APBB1: variants seen among roughly 807,000 people sequenced by gnomAD.
APBB1 encodes adaptor protein FE65a2.
APBB1 carries 22 observed loss-of-function variants against 78.4 expected under a neutral mutation model. The ratio of observed to expected loss-of-function variants is 0.28; its 90% CI spans 0.20 to 0.40. The LOEUF (loss-of-function observed/expected upper bound fraction) is 0.40, where lower values mean the gene tolerates loss of function less well. Among genes scored for constraint, APBB1 ranks in the 10% least tolerant of loss-of-function variants. APBB1 has a pLI of 1.00. For synonymous variants in APBB1, 369 were observed against 372.7 expected (o/e 0.99, Z 0.12); for missense variants, 749 against 932.4 (o/e 0.80, Z 2.56).
intron 7 of APBB1, 47 bp from the exon 8 acceptor site, chr11:6,402,256 T>C (rs1848563274): frequency 6.2e-7 from 1 of 1,605,540 alleles, no homozygotes; most frequent in African/African-American, 1.3e-5. Flanking sequence ...GCCAGGATGG[T>C]GGCTGATCTC....
intron 12 of APBB1, among the ~76,000 whole-genome samples, chr11:6,399,386 C>T (rs773505767): frequency 6.6e-6 from 1 of 152,180 alleles, no homozygotes; most frequent in Non-Finnish European, 1.5e-5. Context: ...AAATTGGCCT[C>T]TTCAAGCATC....
chr11:6,402,877 A>G, intron 6 of APBB1, 152 bp from the exon 7 acceptor site: 2 of 991,210 alleles, frequency 2.0e-6, no homozygotes, highest in Admixed American at 2.7e-5. Flanking sequence ...GGATGTGGTT[A>G]GGGTGAGGGA....
At chr11:6,416,420 A>C (rs1370550431) in intron 1 of APBB1, among the ~76,000 whole-genome samples, 2 of 152,012 alleles carry the variant, frequency 1.3e-5, no homozygotes, top group Non-Finnish European at 1.5e-5. Context: ...TCCATTTCAG[A>C]CCCCTCACCT....
At chr11:6,398,615 G>A (rs954918170) in intron 12 of APBB1, among the ~76,000 whole-genome samples, 4 of 152,180 alleles carry the variant, frequency 2.6e-5, no homozygotes, top group Non-Finnish European at 2.9e-5. Flanking sequence ...GTAACAAATG[G>A]AAGAGCCAAC....
intron 8 of APBB1, 31 bp from the exon 9 acceptor site, chr11:6,402,013 A>G: frequency 2.5e-6 from 4 of 1,593,370 alleles, no homozygotes; most frequent in Non-Finnish European, 3.4e-6. Context: ...GAGGCAAATA[A>G]CAGAGTTAGA....
intron 1 of APBB1, among the ~76,000 whole-genome samples, chr11:6,413,438 C>G (rs542939618): frequency 1.6e-3 from 239 of 152,236 alleles, no homozygotes; most frequent in South Asian, 4.6e-3. Flanking sequence ...ACCACTACCC[C>G]CCTTCCCTCT....
intron 12 of APBB1, among the ~76,000 whole-genome samples, chr11:6,400,512 A>G (rs1848446959): frequency 6.6e-6 from 1 of 151,066 alleles, no homozygotes; most frequent in Non-Finnish European, 1.5e-5. Context: ...ACCGCACTCC[A>G]GCCTGGCGGA....
rs2682094 is a variant in APBB1, at chr11:6,410,970, G to C, written c.378C>G (p.Asn126Lys). 1 of 1,614,084 alleles carries C rather than the reference G, an allele frequency of 6.2e-7. No individual in the cohort carries two copies. The highest frequency in any genetic ancestry group is 8.5e-7 in the Non-Finnish European group (1 of 1,180,048). Reference protein sequence around the residue: ...LYSELELSAHNAANRGLRGPG... With the variant: ...LYSELELSAHKAANRGLRGPG... ...GTCCTCGTAGGCCTCGGTTGGCTGC[G>C]TTGTGAGCTGAGAGCTCCAGCTCAG... The change falls in exon 2 of 15, where the codon AAC becomes AAG. Residue 126 changes from asparagine to lysine, a missense_variant. Transcript: ENST00000609360.
Position 6,401,791 on chromosome 11 carries a change from C to A in APBB1, c.1389-103G>T. 4.7e-6 allele frequency: 7 copies of A among 1,473,768 alleles called. No homozygotes were observed. Among genetic ancestry groups the A allele is most frequent in the Non-Finnish European group, 5.7e-6 (6 of 1,061,236 alleles). 91.3% of individuals were successfully genotyped at this position (1,473,768 alleles called of 1,614,324 possible). ...CCTGCCCATCACAGCTCCTCCAGGG[C>A]TTCTGCCCACAGCTGGTCCCCCATA... is the stretch of plus-strand genomic sequence containing the variant. On this transcript the variant is annotated intron_variant, in intron 9 of 14. Transcript: ENST00000609360. The surrounding 1 kb of genome is among the most constrained non-coding windows in gnomAD (Gnocchi z 4.5).
intron 2 of APBB1, chr11:6,404,630 T>C (rs1244605222): frequency 2.0e-6 from 3 of 1,536,294 alleles, no homozygotes; most frequent in Non-Finnish European, 2.6e-6. Flanking sequence ...CATACACCCT[T>C]GTCTGCCGGC....
At position 6,411,197 on chromosome 11, in the gene APBB1, G is replaced by A. The variant is rs141737231; in HGVS notation, c.151C>T (p.Arg51Cys). The change falls in exon 2 of 15, where the codon CGC (arginine) becomes TGC (cysteine). Residue 51 changes from arginine (R) to cysteine (C), a missense_variant. Coordinates refer to ENST00000609360, the MANE Select transcript of APBB1 (RefSeq NM_001164.5). The surrounding 1 kb of genome is among the most constrained non-coding windows in gnomAD (Gnocchi z 5.2). Reference sequence around the variant, plus strand: ...CCACCACCCTCCCCCATGGCGCTGCGCAGGTCCTTGGGTCCCACAGCTGTG... The same window carrying A: ...CCACCACCCTCCCCCATGGCGCTGCACAGGTCCTTGGGTCCCACAGCTGTG... ...QATAVGPKDL[R>C]SAMGEGGGPE... 2.5e-3 allele frequency: 3,961 copies of A among 1,607,808 alleles called. 95 individuals carry two copies. In the Admixed American group the frequency reaches 0.048, roughly 19 times the overall value.
intron 2 of APBB1, among the ~76,000 whole-genome samples, chr11:6,406,212 G>A (rs1387497097): frequency 2.0e-5 from 3 of 152,168 alleles, no homozygotes; most frequent in Non-Finnish European, 4.4e-5. Flanking sequence ...ATCGATTCAT[G>A]CGACACTTAC....
At position 6,402,101 on chromosome 11, in the gene APBB1, C is replaced by T. The variant is rs748833409; in HGVS notation, c.1363G>A (p.Val455Ile). 50 of 1,613,770 alleles carry T rather than the reference C, an allele frequency of 3.1e-5. No homozygotes were observed. The highest frequency in any genetic ancestry group is 1.0e-4 in the Admixed American group (6 of 59,982). ...TCCCACCTTCCACTGTCCCGCCCGA[C>T]GCCCCACACGCGGATGCTGATGATG... ...QPIISIRVWGVGRDSGRERDF... is the reference protein window; with the variant it reads ...QPIISIRVWGIGRDSGRERDF... Residue 455 changes from valine to isoleucine, a missense_variant, in exon 8 of 15, where the codon GTC (valine) becomes ATC (isoleucine). Around this residue, in one of 3 missense-constraint regions of APBB1, gnomAD observed 635 missense variants for 765.0 expected, o/e 0.83. Coordinates refer to ENST00000609360, the MANE Select transcript of APBB1 (RefSeq NM_001164.5).
chr11:6,405,184 T>G, intron 2 of APBB1: 1 of 1,130,198 alleles, frequency 8.8e-7, no homozygotes, highest in Non-Finnish European at 1.1e-6. Flanking sequence ...ACTCAGCCCC[T>G]AAGGAATACC....
At position 6,403,345 on chromosome 11, in the gene APBB1, C is replaced by A; in HGVS notation, c.1014G>T (p.Thr338=). 1.9e-6 allele frequency: 3 copies of A among 1,614,152 alleles called. No individual in the cohort carries two copies. The highest frequency in any genetic ancestry group is 2.5e-6 in the Non-Finnish European group (3 of 1,180,006). Reference sequence around the variant, plus strand: ...TGAGGCTCTGAGCTGGGAAGGTCAACGTCCCCTCCTCAGGTTCCTTCAGTC... The same window carrying A: ...TGAGGCTCTGAGCTGGGAAGGTCAAAGTCCCCTCCTCAGGTTCCTTCAGTC... ...ELGLKEPEEG[T]LTFPAQSLSP... is the part of the protein sequence containing the mutation. Residue 338 remains threonine, a synonymous_variant, in exon 5 of 15, where the codon ACG becomes ACT. Coordinates refer to ENST00000609360, the MANE Select transcript of APBB1 (RefSeq NM_001164.5). This position sits in a 1 kb window ranked among gnomAD's most constrained non-coding sequence, Gnocchi z 5.3.
At chr11:6,413,036 C>CA (rs1491576943) in intron 1 of APBB1, among the ~76,000 whole-genome samples, 5 of 152,078 alleles carry the variant, frequency 3.3e-5, no homozygotes, top group Non-Finnish European at 5.9e-5. Flanking sequence ...CCATCCTCCC[C>CA]ACTCTCCCTG....
rs75768493 is a variant in APBB1 at position 6,412,675 on chromosome 11, G to C, written c.-14-1314C>G. The stretch of plus-strand genomic sequence containing the variant: ...TGTTGGTGAGGATTTTGCCTTTTTG[G>C]TTAAATACAGTATGCCTAGTGCCTA... On this transcript the variant is annotated intron_variant, in intron 1 of 14. Coordinates refer to ENST00000609360, the MANE Select transcript of APBB1 (RefSeq NM_001164.5). Among the ~76,000 whole-genome samples the C allele has an allele frequency of 5.4e-3, 819 of 152,232 alleles. 7 individuals are homozygous for C. Among genetic ancestry groups the C allele is most frequent in the African/African-American group, 0.019 (778 of 41,516 alleles).
At chr11:6,400,276 C>T (rs1848434164) in intron 12 of APBB1, among the ~76,000 whole-genome samples, 1 of 152,214 alleles carries the variant, frequency 6.6e-6, no homozygotes, top group African/African-American at 2.4e-5. Flanking sequence ...CACAGTGGCT[C>T]ACGCCTGTAA....
intron 12 of APBB1, among the ~76,000 whole-genome samples, chr11:6,398,078 A>G (rs1197223422): frequency 6.6e-6 from 1 of 152,228 alleles, no homozygotes; most frequent in East Asian, 1.9e-4. Context: ...AGTCTTGGGA[A>G]GTTTGGCAGG....
Sources: allele counts gnomAD v4.1 joint callset (sites outside exome capture counted in the v4.1 genomes callset), GRCh38; gene constraint gnomAD v4.1.1; regional missense constraint gnomAD v4.1.1; non-coding constraint Gnocchi (gnomAD v3.1); transcripts MANE v1.5; gene names NCBI Gene and HGNC (gene_info 2026-07-23, HGNC 2026-07-21).